TMEM233: variants seen among roughly 807,000 people sequenced by gnomAD.
TMEM233 encodes the protein dispanin subfamily B member 2.
TMEM233 carries 6 observed loss-of-function variants against 11.2 expected under a neutral mutation model. The ratio of observed to expected loss-of-function variants is 0.54; its 90% CI spans 0.29 to 1.06. The LOEUF is 1.06. TMEM233 is among the 50% of genes least tolerant of loss of function. TMEM233 has a pLI of 0.08. For synonymous variants in TMEM233, 59 were observed against 55.8 expected (o/e 1.06, Z -0.26); for missense variants, 127 against 144.7 (o/e 0.88, Z 0.63).
At chr12:119,637,909 G>A (rs771861736) in intron 2 of TMEM233, among the ~76,000 whole-genome samples, 30 of 152,170 alleles carry the variant, frequency 2.0e-4, no homozygotes, top group Admixed American at 1.5e-3. Flanking sequence ...CTGGCAGATT[G>A]CAACAATTAA....
chr12:119,640,030 A>G (rs1234665649), intron 2 of TMEM233, among the ~76,000 whole-genome samples: 1 of 152,236 alleles, frequency 6.6e-6, no homozygotes, highest in Non-Finnish European at 1.5e-5. Context: ...CAATGCAGAG[A>G]AAAACGCCTG....
intron 2 of TMEM233, among the ~76,000 whole-genome samples, chr12:119,634,616 AAAAAAC>A (rs1403867590): frequency 2.0e-5 from 3 of 152,174 alleles, no homozygotes; most frequent in Admixed American, 6.5e-5. Context: ...CTGTCTCAAA[AAAAAAC>A]AAAAACAAAA....
chr12:119,601,760 G>A (rs1954172219), intron 1 of TMEM233, among the ~76,000 whole-genome samples: 1 of 151,966 alleles, frequency 6.6e-6, no homozygotes, highest in Non-Finnish European at 1.5e-5. Flanking sequence ...TCGTTCAAGG[G>A]AGAGAGAAAA....
chr12:119,626,069 G>A (rs1222447285), intron 1 of TMEM233, among the ~76,000 whole-genome samples: 3 of 152,070 alleles, frequency 2.0e-5, no homozygotes. Context: ...TGTCTTTCAC[G>A]ACATTGACTT....
rs1164699150 is a variant in TMEM233 at position 119,612,719 on chromosome 12, C to G, written c.187-17017C>G. On this transcript the variant is annotated intron_variant, in intron 1 of 2. Coordinates refer to ENST00000426426, the MANE Select transcript of TMEM233 (RefSeq NM_001136534.3). ...TGAGCCAAGATCACGCCACTGCACT[C>G]CAGCCTGGGCGACAGACCAAGACTC... is the stretch of plus-strand genomic sequence containing the variant. Among the ~76,000 whole-genome samples the G allele has an allele frequency of 2.7e-5, 4 of 146,518 alleles. 1 individual carries two copies. The highest frequency in any genetic ancestry group is 4.4e-4 in the South Asian group (2 of 4,520).
intron 1 of TMEM233, among the ~76,000 whole-genome samples, chr12:119,622,153 C>T (rs953179015): frequency 6.6e-6 from 1 of 152,170 alleles, no homozygotes; most frequent in Non-Finnish European, 1.5e-5. Context: ...GTTTCTCTCT[C>T]CTGACTATGA....
At chr12:119,604,636 T>G (rs1006440611) in intron 1 of TMEM233, among the ~76,000 whole-genome samples, 14 of 152,082 alleles carry the variant, frequency 9.2e-5, no homozygotes, top group African/African-American at 1.9e-4. Flanking sequence ...TGTTGTTTTT[T>G]GTTTTGTTTT....
rs1256581783 is a variant in TMEM233 at position 119,626,702 on chromosome 12, GAGA to G, written c.187-3029_187-3027del. ...GTCAAGATTCTCTTATTATTAAAGG[GAGA>G]AGAACAGTATCTGGCCTTCATTTCA... On this transcript the variant is annotated intron_variant, in intron 1 of 2. Transcript: ENST00000426426. Among the ~76,000 whole-genome samples, 7 of 152,272 alleles carry G rather than the reference GAGA, an allele frequency of 4.6e-5. No individual in the cohort carries two copies. In the South Asian group the frequency reaches 1.2e-3, roughly 27 times the overall value.
Position 119,594,019 on chromosome 12 carries a change from G to T in TMEM233, c.171G>T (p.Leu57Phe). The change falls in exon 1 of 3, where the codon TTG (leucine) becomes TTT (phenylalanine). Residue 57 changes from leucine to phenylalanine, a missense_variant. Coordinates refer to ENST00000426426, the MANE Select transcript of TMEM233 (RefSeq NM_001136534.3). This position sits in a 1 kb window ranked among gnomAD's most constrained non-coding sequence, Gnocchi z 5.6. ...CPAYPINIVA[L>F]VFSIMSLNSY... The stretch of plus-strand genomic sequence containing the variant: ...CGTACCCCATCAACATCGTGGCTTT[G>T]GTCTTTTCCATCATGGTGAGTGAAT... 2 of 1,551,624 alleles carry T rather than the reference G, an allele frequency of 1.3e-6. No homozygotes were observed. The highest frequency in any genetic ancestry group is 1.7e-6 in the Non-Finnish European group (2 of 1,146,932).
chr12:119,611,681 G>A (rs935318146), intron 1 of TMEM233, among the ~76,000 whole-genome samples: 1 of 151,876 alleles, frequency 6.6e-6, no homozygotes, highest in African/African-American at 2.4e-5. Flanking sequence ...GTCTGTTTAT[G>A]TATCCCAGAG....
chr12:119,631,458 C>G lies in TMEM233; in HGVS notation c.323+1586C>G, dbSNP rs141167313. The G allele has an allele frequency of 2.2e-3, 2,172 of 979,342 alleles. 4 individuals are homozygous for G. Among genetic ancestry groups the G allele is most frequent in the Non-Finnish European group, 2.5e-3 (2,045 of 824,450 alleles). The allele number at this position is 979,342 out of a possible 1,614,324, so 60.7% of individuals were successfully genotyped here. A position where few individuals can be genotyped will look rare whatever the true frequency, so the allele number is the denominator to read the frequency against. On this transcript the variant is annotated intron_variant, in intron 2 of 2. Transcript: ENST00000426426. ...GGGGAAGATGTCAAAACAGAAGTGT[C>G]ACAAAAGAAAATTAAATGGCTTTGG... is the stretch of plus-strand genomic sequence containing the variant.
intron 1 of TMEM233, among the ~76,000 whole-genome samples, chr12:119,608,769 A>G (rs1954335596): frequency 1.3e-5 from 2 of 152,214 alleles, no homozygotes; most frequent in Admixed American, 6.5e-5. Flanking sequence ...TTCTACTGCC[A>G]TCCTTCAAGG....
intron 1 of TMEM233, among the ~76,000 whole-genome samples, chr12:119,605,674 C>G (rs1954266437): frequency 6.6e-6 from 1 of 152,000 alleles, no homozygotes; most frequent in African/African-American, 2.4e-5. Context: ...AGGGATCTAC[C>G]CCCCTCAGCC....
intron 1 of TMEM233, among the ~76,000 whole-genome samples, chr12:119,620,286 CA>C (rs1954614513): frequency 6.6e-6 from 1 of 152,114 alleles, no homozygotes. Flanking sequence ...GCAATGATGT[CA>C]GGGAAAGAGC....
chr12:119,648,351 C>G, the TMEM233 span, among the ~76,000 whole-genome samples: 2 of 152,342 alleles, frequency 1.3e-5, no homozygotes, highest in South Asian at 2.1e-4. Flanking sequence ...GTGTCCCCAG[C>G]ATCTAGACTA....
At position 119,595,037 on chromosome 12, in the gene TMEM233, C is replaced by G. The variant is rs1375248827; in HGVS notation, c.186+1003C>G. Reference sequence around the variant, plus strand: ...CAGACCTCCCGAGCTGCCCGCCTCTCTAGGAGTGGCCGCTGGGGCCTCTAG... The same window carrying G: ...CAGACCTCCCGAGCTGCCCGCCTCTGTAGGAGTGGCCGCTGGGGCCTCTAG... On this transcript the variant is annotated intron_variant, in intron 1 of 2. Transcript: ENST00000426426. This position sits in a 1 kb window ranked among gnomAD's most constrained non-coding sequence, Gnocchi z 4.3. Among the ~76,000 whole-genome samples, 1 of 152,210 alleles carries G rather than the reference C, an allele frequency of 6.6e-6. No homozygotes were observed. Among genetic ancestry groups the G allele is most frequent in the African/African-American group, 2.4e-5 (1 of 41,478 alleles).
intron 1 of TMEM233, among the ~76,000 whole-genome samples, chr12:119,597,469 T>TAA (rs397724666): frequency 0.37 from 53,608 of 146,118 alleles, 11,035 homozygotes; most frequent in East Asian, 0.56. Flanking sequence ...TCCAGAATGG[T>TAA]AAAAAAAAAA....
intron 1 of TMEM233, among the ~76,000 whole-genome samples, chr12:119,604,475 TC>T (rs761605279): frequency 9.9e-5 from 15 of 152,178 alleles, no homozygotes; most frequent in Non-Finnish European, 1.6e-4. Context: ...GAAATACTGT[TC>T]TTAATAATAC....
intron 1 of TMEM233, among the ~76,000 whole-genome samples, chr12:119,601,606 C>T (rs948227806): frequency 2.0e-4 from 30 of 149,688 alleles, no homozygotes; most frequent in African/African-American, 6.7e-4. Context: ...TGCAGTGAGC[C>T]GAGATCGCGC....
Sources: gnomAD v4.1 joint callset for allele counts (sites outside exome capture counted in the v4.1 genomes callset) on GRCh38, gnomAD v4.1.1 for gene constraint, Gnocchi (gnomAD v3.1) non-coding constraint, MANE v1.5 for transcripts, NCBI Gene and HGNC (gene_info 2026-07-23, HGNC 2026-07-21) for gene names.